CASR: variants seen among roughly 807,000 people sequenced by gnomAD.
CASR encodes extracellular calcium-sensing receptor.
Under a neutral mutation model 69.1 loss-of-function variants are expected in CASR, and 23 were observed. The ratio of observed to expected loss-of-function variants is 0.33; its 90% CI spans 0.24 to 0.47. CASR has a LOEUF of 0.47. Among genes scored for constraint, CASR ranks in the 20% least tolerant of loss-of-function variants. CASR has a pLI of 1.00. For synonymous variants in CASR, 541 were observed against 544.7 expected (o/e 0.99, Z 0.10); for missense variants, 924 against 1,356.1 (o/e 0.68, Z 5.00).
At chr3:122,213,460 T>C (rs1254073891) in intron 1 of CASR, among the ~76,000 whole-genome samples, 1 of 152,174 alleles carries the variant, frequency 6.6e-6, no homozygotes, top group Non-Finnish European at 1.5e-5. Context: ...TTAGTTCCCA[T>C]AATTGTTTCC....
intron 1 of CASR, among the ~76,000 whole-genome samples, chr3:122,212,368 T>C (rs538725627): frequency 2.0e-5 from 3 of 152,022 alleles, no homozygotes; most frequent in Non-Finnish European, 4.4e-5. Context: ...TGAGAACACA[T>C]GGACACAGGG....
intron 1 of CASR, among the ~76,000 whole-genome samples, chr3:122,225,822 C>A (rs936877257): frequency 1.3e-5 from 2 of 152,142 alleles, no homozygotes; most frequent in Non-Finnish European, 2.9e-5. Context: ...TGGAGTCAAC[C>A]AAGATGCCCA....
intron 4 of CASR, 21 bp downstream of exon 4, chr3:122,262,433 G>A: frequency 6.2e-7 from 1 of 1,605,302 alleles, no homozygotes; most frequent in Non-Finnish European, 8.5e-7. Flanking sequence ...CACTTATATA[G>A]CAATTTGCTG....
At position 122,259,788 on chromosome 3, in the gene CASR, C is replaced by T. The variant is rs35647042; in HGVS notation, c.493-1740C>T. Among the ~76,000 whole-genome samples the T allele has an allele frequency of 8.6e-3, 1,305 of 152,104 alleles. 16 individuals are homozygous for T. Among genetic ancestry groups the T allele is most frequent in the African/African-American group, 0.029 (1,221 of 41,480 alleles). ...GGGACTACAGGCGCCCGCCACCACG[C>T]CCGGCTAATTTTTTGTATTTTTAGT... On this transcript the variant is annotated intron_variant, in intron 3 of 6. Transcript: ENST00000639785.
At chr3:122,243,429 A>G (rs1371978738) in intron 1 of CASR, among the ~76,000 whole-genome samples, 1 of 152,162 alleles carries the variant, frequency 6.6e-6, no homozygotes, top group Admixed American at 6.5e-5. Flanking sequence ...AAGGTGCTCA[A>G]CATCACTGAT....
Position 122,200,995 on chromosome 3 carries a change from TTTTTTTTTTA to T in CASR, c.-243+17193_-243+17202del, listed in dbSNP as rs1479524814. Among the ~76,000 whole-genome samples the T allele has an allele frequency of 2.4e-4, 10 of 41,178 alleles. 1 individual carries two copies. The highest frequency in any genetic ancestry group is 4.4e-4 in the Non-Finnish European group (7 of 16,032). The allele number at this position is 41,178 out of a possible 152,430, so 27.0% of individuals were successfully genotyped here. A position where few individuals can be genotyped will look rare whatever the true frequency, so the allele number is the denominator to read the frequency against. On this transcript the variant is annotated intron_variant, in intron 1 of 6. Transcript: ENST00000639785. The stretch of plus-strand genomic sequence containing the variant: ...GAATATCTTTTGCCCATTGCTTTTC[TTTTTTTTTTA>T]TTTTTTTTTTTTTTATTGATCATTC...
At chr3:122,189,332 C>A (rs1419330753) in intron 1 of CASR, among the ~76,000 whole-genome samples, 2 of 152,228 alleles carry the variant, frequency 1.3e-5, no homozygotes, top group East Asian at 3.8e-4. Context: ...ATGTGCTAAA[C>A]ACAATGTGTG....
intron 1 of CASR, among the ~76,000 whole-genome samples, chr3:122,217,708 G>A (rs759525498): frequency 4.0e-4 from 61 of 152,210 alleles, no homozygotes; most frequent in Non-Finnish European, 6.6e-4. Context: ...AGGGAAGAAG[G>A]ACTAAAAACT....
At chr3:122,235,778 T>C (rs1456400916) in intron 1 of CASR, among the ~76,000 whole-genome samples, 1 of 152,166 alleles carries the variant, frequency 6.6e-6, no homozygotes, top group Non-Finnish European at 1.5e-5. Context: ...CTGGGCAACA[T>C]AGTGAGACCA....
intron 5 of CASR, among the ~76,000 whole-genome samples, chr3:122,276,354 A>G (rs939494547): frequency 2.0e-5 from 3 of 152,236 alleles, no homozygotes; most frequent in African/African-American, 2.4e-5. Flanking sequence ...CAAAATATTT[A>G]AGCAAATGTA....
In CASR at chr3:122,278,301, T is replaced by A. The variant is rs533692597; in HGVS notation, c.1608+2259T>A. Among the ~76,000 whole-genome samples the A allele has an allele frequency of 3.3e-5, 5 of 152,310 alleles. No homozygotes were observed. The South Asian group carries it at 1.0e-3, about 32-fold the overall frequency. ...CTTTAAAGATCCTTGTATCCAAGCT[T>A]CCAATTTGAAGTTGATGACACTGAG... On this transcript the variant is annotated intron_variant, in intron 5 of 6. Transcript: ENST00000639785.
chr3:122,227,259 A>AGG (rs1395770762), intron 1 of CASR, among the ~76,000 whole-genome samples: 1 of 146,324 alleles, frequency 6.8e-6, no homozygotes, highest in African/African-American at 2.5e-5. Flanking sequence ...TCCATGGAGC[A>AGG]GGGGGTGGTG....
intron 1 of CASR, among the ~76,000 whole-genome samples, chr3:122,221,069 A>G (rs911239735): frequency 2.6e-5 from 4 of 152,176 alleles, no homozygotes; most frequent in African/African-American, 9.7e-5. Flanking sequence ...TTTCTACCCA[A>G]CAACACCTAA....
chr3:122,219,061 G>C (rs1482419881), intron 1 of CASR, among the ~76,000 whole-genome samples: 2 of 152,142 alleles, frequency 1.3e-5, no homozygotes, highest in Non-Finnish European at 2.9e-5. Flanking sequence ...GAGCAAGGAG[G>C]AATTGTATAA....
chr3:122,212,188 G>T (rs949065914), intron 1 of CASR, among the ~76,000 whole-genome samples: 1 of 152,168 alleles, frequency 6.6e-6, no homozygotes, highest in Admixed American at 6.5e-5. Context: ...ACTAGATAAA[G>T]AAAATGTGGT....
chr3:122,203,835 A>G (rs1465874364), intron 1 of CASR, among the ~76,000 whole-genome samples: 4 of 152,204 alleles, frequency 2.6e-5, no homozygotes, highest in Non-Finnish European at 5.9e-5. Context: ...ATTTTATGGG[A>G]CCACCATGGT....
chr3:122,192,545 C>T lies in CASR; in HGVS notation c.-243+8733C>T, dbSNP rs180835678. Among the ~76,000 whole-genome samples, 23 of 152,308 alleles carry T rather than the reference C, an allele frequency of 1.5e-4. No individual in the cohort carries two copies. In the East Asian group the frequency reaches 1.9e-3, roughly 13 times the overall value. On this transcript the variant is annotated intron_variant, in intron 1 of 6. Transcript: ENST00000639785. Reference sequence around the variant, plus strand: ...CACAGTTTTACCTTTCTTGCAGAATCTCCAAGATTCTCTTTATGAATTAAT... The same window carrying T: ...CACAGTTTTACCTTTCTTGCAGAATTTCCAAGATTCTCTTTATGAATTAAT...
intron 4 of CASR, 44 bp from the exon 5 acceptor site, chr3:122,275,768 T>C (rs762859193): frequency 5.4e-6 from 7 of 1,300,668 alleles, no homozygotes; most frequent in Non-Finnish European, 7.8e-6. Flanking sequence ...ATTAGTTCTA[T>C]GTGGCAGCCC....
rs114934497 is a variant in CASR at position 122,266,451 on chromosome 3, G to A, written c.1377+4039G>A. Among the ~76,000 whole-genome samples, 620 of 151,476 alleles carry A rather than the reference G, an allele frequency of 4.1e-3. 11 individuals are homozygous for A. Among genetic ancestry groups the A allele is most frequent in the African/African-American group, 0.014 (563 of 41,294 alleles). On this transcript the variant is annotated intron_variant, in intron 4 of 6. Transcript: ENST00000639785. The stretch of plus-strand genomic sequence containing the variant: ...TTTGTTTGTGTTTTGTTTTTTTGAG[G>A]CAGAGTCTTGCTCTGTCACCCAGGC...
Sources: allele counts gnomAD v4.1 joint callset (sites outside exome capture counted in the v4.1 genomes callset), GRCh38; gene constraint gnomAD v4.1.1; transcripts MANE v1.5; gene names NCBI Gene and HGNC (gene_info 2026-07-23, HGNC 2026-07-21).